CTNNA3: variants seen among roughly 807,000 people sequenced by gnomAD.
CTNNA3 encodes catenin alpha 3.
CTNNA3 carries 76 observed loss-of-function variants against 95.7 expected under a neutral mutation model. That is an observed-to-expected ratio of 0.79 (90% CI 0.66 to 0.96). The LOEUF (loss-of-function observed/expected upper bound fraction) is 0.96. Ranked by LOEUF, CTNNA3 falls within the 40% of genes least tolerant of loss-of-function variation. The pLI, the probability that CTNNA3 is intolerant of heterozygous loss-of-function variation, is 0.00. For missense variants in CTNNA3, 1,191 were observed against 1,089.8 expected (o/e 1.09, Z -1.31); for synonymous variants, 431 against 374.4 (o/e 1.15, Z -1.74).
chr10:67,185,274 C>T (rs1461387445), intron 6 of CTNNA3, among the ~76,000 whole-genome samples: 1 of 151,928 alleles, frequency 6.6e-6, no homozygotes, highest in Admixed American at 6.6e-5. Flanking sequence ...ACTACAGGTA[C>T]ACGTCACCAC....
At chr10:67,015,049 G>A (rs947356177) in intron 7 of CTNNA3, among the ~76,000 whole-genome samples, 2 of 151,910 alleles carry the variant, frequency 1.3e-5, no homozygotes, top group African/African-American at 4.8e-5. Context: ...CCAAAGTTGA[G>A]GTAAAAAATG....
At chr10:66,180,450 C>T (rs1298466114) in intron 13 of CTNNA3, among the ~76,000 whole-genome samples, 2 of 152,064 alleles carry the variant, frequency 1.3e-5, no homozygotes, top group African/African-American at 2.4e-5. Context: ...ATTGATTCTC[C>T]GGGCTCCTAG....
chr10:66,994,005 T>C (rs1851189910), intron 7 of CTNNA3, among the ~76,000 whole-genome samples: 1 of 152,150 alleles, frequency 6.6e-6, no homozygotes. Context: ...TGTAACTTGG[T>C]GAACAGACTG....
intron 11 of CTNNA3, among the ~76,000 whole-genome samples, chr10:66,473,875 A>G (rs547304686): frequency 6.6e-6 from 1 of 152,196 alleles, no homozygotes; most frequent in East Asian, 1.9e-4. Context: ...ATAGTATTCC[A>G]TGGTGTATAT....
chr10:66,272,723 T>G (rs1177833570), intron 13 of CTNNA3, among the ~76,000 whole-genome samples: 1 of 152,174 alleles, frequency 6.6e-6, no homozygotes, highest in Non-Finnish European at 1.5e-5. Context: ...TCACTATATT[T>G]TAAACTCACT....
intron 7 of CTNNA3, among the ~76,000 whole-genome samples, chr10:66,982,571 T>C (rs993306013): frequency 1.3e-5 from 2 of 152,078 alleles, no homozygotes; most frequent in African/African-American, 4.8e-5. Context: ...GTATAAAATA[T>C]TATCTTAAGA....
At chr10:66,658,971 G>T (rs547002117) in intron 9 of CTNNA3, among the ~76,000 whole-genome samples, 1 of 152,096 alleles carries the variant, frequency 6.6e-6, no homozygotes, top group Non-Finnish European at 1.5e-5. Context: ...TTACAGGTGT[G>T]AGCCACCATA....
At chr10:65,949,499 G>A (rs2077575564) in intron 17 of CTNNA3, among the ~76,000 whole-genome samples, 1 of 152,126 alleles carries the variant, frequency 6.6e-6, no homozygotes, top group Non-Finnish European at 1.5e-5. Flanking sequence ...TCTTGAGTAG[G>A]TACCCACAAA....
intron 7 of CTNNA3, chr10:66,837,791 G>A (rs887247295): frequency 2.6e-5 from 4 of 151,964 alleles, no homozygotes; most frequent in African/African-American, 9.7e-5. Flanking sequence ...GTCCCACTGA[G>A]GACATATAGT....
chr10:67,451,663 C>T (rs1846988744), intron 5 of CTNNA3, among the ~76,000 whole-genome samples: 2 of 152,168 alleles, frequency 1.3e-5, no homozygotes, highest in Non-Finnish European at 2.9e-5. Flanking sequence ...CAATAATTAG[C>T]CTCCATTTTG....
At chr10:67,677,256 G>T (rs1271463863) in intron 1 of CTNNA3, among the ~76,000 whole-genome samples, 1 of 152,028 alleles carries the variant, frequency 6.6e-6, no homozygotes, top group Non-Finnish European at 1.5e-5. Flanking sequence ...TTACCTTAAG[G>T]TTCACAGATA....
At chr10:66,746,886 C>T (rs181322499) in intron 9 of CTNNA3, among the ~76,000 whole-genome samples, 3 of 150,834 alleles carry the variant, frequency 2.0e-5, no homozygotes, top group Non-Finnish European at 4.4e-5. Context: ...TGTGTGTGTG[C>T]GTGCACACAC....
intron 13 of CTNNA3, among the ~76,000 whole-genome samples, chr10:66,268,138 G>A (rs745423431): frequency 2.0e-5 from 3 of 152,048 alleles, no homozygotes; most frequent in African/African-American, 4.8e-5. Flanking sequence ...ATAAGAGCAC[G>A]ATGACAGAAG....
At chr10:65,977,066 G>A (rs1040536093) in intron 16 of CTNNA3, among the ~76,000 whole-genome samples, 1 of 152,006 alleles carries the variant, frequency 6.6e-6, no homozygotes, top group African/African-American at 2.4e-5. Context: ...GAAAAACTTC[G>A]GTCTCTAGGT....
intron 3 of CTNNA3, among the ~76,000 whole-genome samples, chr10:67,600,615 G>A (rs540168032): frequency 2.8e-4 from 43 of 152,248 alleles, no homozygotes; most frequent in Middle Eastern, 3.4e-3. Context: ...GTTGGAGCTC[G>A]TATTAGAAAA....
chr10:66,262,213 A>C (rs1169267856), intron 13 of CTNNA3, among the ~76,000 whole-genome samples: 3 of 152,026 alleles, frequency 2.0e-5, no homozygotes, highest in African/African-American at 7.2e-5. Context: ...AAAGCCCTCC[A>C]AGGATTTTGA....
At chr10:67,659,930 T>C (rs1589544871) in intron 1 of CTNNA3, among the ~76,000 whole-genome samples, 1 of 152,236 alleles carries the variant, frequency 6.6e-6, no homozygotes, top group East Asian at 1.9e-4. Context: ...CATTTCTTCT[T>C]TGTTCTCTGT....
In CTNNA3 at chr10:65,935,346, G is replaced by GT. The variant is rs1007627433; in HGVS notation, c.2401-14730dup. 4.0e-5 allele frequency among the ~76,000 whole-genome samples: 6 copies of GT among 151,878 alleles called. No individual in the cohort carries two copies. In the South Asian group the frequency reaches 6.2e-4, roughly 16 times the overall value. ...CATGGAGATAATTTGCACTAACTTG[G>GT]TTTTTTTTAATCTTATCGTTCTGCT... On this transcript the variant is annotated intron_variant, in intron 17 of 17. Transcript: ENST00000433211.
intron 16 of CTNNA3, among the ~76,000 whole-genome samples, chr10:65,980,857 C>T (rs576935186): frequency 6.6e-6 from 1 of 151,988 alleles, no homozygotes; most frequent in Non-Finnish European, 1.5e-5. Flanking sequence ...GTAATAAAAG[C>T]CATCTATGAC....
Sources: allele counts gnomAD v4.1 joint callset (sites outside exome capture counted in the v4.1 genomes callset), GRCh38; gene constraint gnomAD v4.1.1; transcripts MANE v1.5; gene names NCBI Gene and HGNC (gene_info 2026-07-23, HGNC 2026-07-21).